The following ADAMTS18 variants were observed in gnomAD, a reference collection of about 807,000 sequenced individuals.
The protein encoded by ADAMTS18 is A disintegrin and metalloproteinase with thrombospondin motifs 18.
ADAMTS18 carries 157 observed loss-of-function variants against 165.9 expected under a neutral mutation model. The ratio of observed to expected loss-of-function variants is 0.95; its 90% CI spans 0.83 to 1.08. ADAMTS18 has a LOEUF of 1.08. ADAMTS18 is among the 50% of genes least tolerant of loss of function. ADAMTS18 has a pLI of 0.00. For synonymous variants in ADAMTS18, 782 were observed against 578.2 expected, an observed-to-expected ratio of 1.35 and a Z score of -5.06; for missense variants, 2,040 against 1,534.0, an observed-to-expected ratio of 1.33 and a Z score of -5.51.
intron 3 of ADAMTS18, among the ~76,000 whole-genome samples, chr16:77,420,067 C>T (rs1253124220): frequency 6.9e-6 from 1 of 145,422 alleles, no homozygotes; most frequent in Non-Finnish European, 1.5e-5. Context: ...TCAATTCTCA[C>T]AACACCCCTT....
At chr16:77,304,194 T>C (rs941542580) in intron 16 of ADAMTS18, among the ~76,000 whole-genome samples, 4 of 152,070 alleles carry the variant, frequency 2.6e-5, no homozygotes, top group Non-Finnish European at 5.9e-5. Flanking sequence ...GCAACAAAAT[T>C]TGAGTTTCTG....
At chr16:77,391,414 C>A (rs1005325954) in intron 3 of ADAMTS18, among the ~76,000 whole-genome samples, 2 of 151,610 alleles carry the variant, frequency 1.3e-5, no homozygotes, top group Non-Finnish European at 2.9e-5. Context: ...TCGCTTGAAC[C>A]TGGGAGGTGG....
At chr16:77,316,890 C>A (rs563028079) in intron 16 of ADAMTS18, among the ~76,000 whole-genome samples, 2 of 152,226 alleles carry the variant, frequency 1.3e-5, no homozygotes, top group South Asian at 4.2e-4. Flanking sequence ...TGGTCTCATA[C>A]TCCTGGTCTC....
chr16:77,408,766 T>C (rs1486895776), intron 3 of ADAMTS18, among the ~76,000 whole-genome samples: 1 of 152,126 alleles, frequency 6.6e-6, no homozygotes, highest in African/African-American at 2.4e-5. Flanking sequence ...ATGATATATT[T>C]TCATCTGGTT....
intron 10 of ADAMTS18, among the ~76,000 whole-genome samples, chr16:77,352,785 A>T (rs1464615382): frequency 2.0e-5 from 3 of 152,084 alleles, no homozygotes; most frequent in Non-Finnish European, 4.4e-5. Context: ...CTCTTTGGAT[A>T]TTGGGAATAA....
At chr16:77,401,524 G>C (rs1478884586) in intron 3 of ADAMTS18, among the ~76,000 whole-genome samples, 2 of 152,186 alleles carry the variant, frequency 1.3e-5, no homozygotes, top group African/African-American at 4.8e-5. Context: ...TGGAATTCTG[G>C]CTGCAGAGCC....
intron 13 of ADAMTS18, among the ~76,000 whole-genome samples, chr16:77,323,852 G>C (rs918042684): frequency 6.6e-6 from 1 of 152,146 alleles, no homozygotes; most frequent in African/African-American, 2.4e-5. Context: ...GTTTGATTCA[G>C]TGCATTCTGC....
chr16:77,425,693 T>C (rs552385339), intron 3 of ADAMTS18, among the ~76,000 whole-genome samples: 35 of 152,284 alleles, frequency 2.3e-4, no homozygotes, highest in Middle Eastern at 6.8e-3. Flanking sequence ...GAATTGCTCT[T>C]TTAGCGTGAA....
At chr16:77,318,910 G>A (rs538985151) in intron 16 of ADAMTS18, among the ~76,000 whole-genome samples, 4 of 152,160 alleles carry the variant, frequency 2.6e-5, no homozygotes, top group African/African-American at 7.2e-5. Context: ...GAAGCAAATC[G>A]CTTGCTTGTA....
chr16:77,289,487 G>A (rs1171778799), intron 21 of ADAMTS18, 76 bp from the exon 22 acceptor site: 1 of 1,543,308 alleles, frequency 6.5e-7, no homozygotes. Context: ...GAATTCCCAT[G>A]CTTCATGACA....
At chr16:77,421,477 A>G (rs2057602066) in intron 3 of ADAMTS18, among the ~76,000 whole-genome samples, 1 of 152,262 alleles carries the variant, frequency 6.6e-6, no homozygotes, top group Non-Finnish European at 1.5e-5. Flanking sequence ...TCAGATATTT[A>G]TCAGTACCAC....
intron 16 of ADAMTS18, among the ~76,000 whole-genome samples, chr16:77,312,354 C>CA (rs1049120428): frequency 6.6e-5 from 10 of 152,058 alleles, no homozygotes; most frequent in Non-Finnish European, 1.3e-4. Context: ...CTCCCTGCCT[C>CA]AGCCTCCCCA....
chr16:77,334,750 ATACTATAG>A (rs2056270012), intron 12 of ADAMTS18, among the ~76,000 whole-genome samples: 1 of 114,360 alleles, frequency 8.7e-6, no homozygotes, highest in Non-Finnish European at 1.7e-5. Flanking sequence ...TATATACTGT[ATACTATAG>A]TATACAGTAT....
At chr16:77,309,110 T>C (rs887018765) in intron 16 of ADAMTS18, among the ~76,000 whole-genome samples, 2 of 152,186 alleles carry the variant, frequency 1.3e-5, no homozygotes, top group Admixed American at 1.3e-4. Flanking sequence ...TTGAAATACA[T>C]GGAAATTATT....
chr16:77,311,720 T>TTTTTC (rs2055784312), intron 16 of ADAMTS18, among the ~76,000 whole-genome samples: 1 of 148,000 alleles, frequency 6.8e-6, no homozygotes, highest in East Asian at 2.1e-4. Flanking sequence ...TTTTTTGCTT[T>TTTTTC]GAATATATTT....
At chr16:77,349,633 C>G (rs984947205) in intron 10 of ADAMTS18, among the ~76,000 whole-genome samples, 4 of 151,134 alleles carry the variant, frequency 2.6e-5, no homozygotes, top group Non-Finnish European at 5.9e-5. Flanking sequence ...TTCTCAATTT[C>G]CCGCCATTTC....
In ADAMTS18 at chr16:77,434,869, G is replaced by A. The variant is rs1597272647; in HGVS notation, c.-174C>T. The A allele has an allele frequency of 2.1e-6, 1 of 469,628 alleles. No individual in the cohort carries two copies. Among genetic ancestry groups the A allele is most frequent in the Non-Finnish European group, 3.4e-6 (1 of 290,964 alleles). The allele number at this position is 469,628 out of a possible 1,614,324, so 29.1% of individuals were successfully genotyped here. A position where few individuals can be genotyped will look rare whatever the true frequency, so the allele number is the denominator to read the frequency against. On this transcript the variant is annotated 5_prime_UTR_variant, in exon 1 of 23. Coordinates refer to ENST00000282849, the MANE Select transcript of ADAMTS18 (RefSeq NM_199355.4). Reference sequence around the variant, plus strand: ...CGCTGGGACCTCCCCTCCTCCGGCCGCCTGCGCGCCCTCCCTTCTCCCGGC... The same window carrying A: ...CGCTGGGACCTCCCCTCCTCCGGCCACCTGCGCGCCCTCCCTTCTCCCGGC...
chr16:77,386,290 C>A (rs754434045), intron 3 of ADAMTS18, among the ~76,000 whole-genome samples: 8 of 152,124 alleles, frequency 5.3e-5, no homozygotes, highest in Non-Finnish European at 4.4e-5. Context: ...GATGCAAATA[C>A]CTATACCCAA....
At chr16:77,370,369 G>C (rs149470674) in intron 3 of ADAMTS18, among the ~76,000 whole-genome samples, 1 of 152,154 alleles carries the variant, frequency 6.6e-6, no homozygotes, top group Non-Finnish European at 1.5e-5. Context: ...TTAGAATAGA[G>C]GAACACAGTA....
Sources: allele counts gnomAD v4.1 joint callset (sites outside exome capture counted in the v4.1 genomes callset), GRCh38; gene constraint gnomAD v4.1.1; transcripts MANE v1.5; gene names NCBI Gene and HGNC (gene_info 2026-07-23, HGNC 2026-07-21).